Variants in PM20D1 observed in about 807,000 individuals in gnomAD.
PM20D1 encodes peptidase M20 domain containing 1.
Under a neutral mutation model 53.8 loss-of-function variants are expected in PM20D1, and 53 were observed. The ratio of observed to expected loss-of-function variants is 0.98; its 90% confidence interval spans 0.79 to 1.24. PM20D1 has a LOEUF of 1.24. Ranked by LOEUF, PM20D1 falls within the 50% of genes most tolerant of loss-of-function variation. PM20D1 has a pLI of 0.00. For synonymous variants in PM20D1, 239 were observed against 241.3 expected (o/e 0.99, Z 0.09); for missense variants, 564 against 616.8 (o/e 0.91, Z 0.91).
intron 1 of PM20D1, 31 bp downstream of exon 1, chr1:205,849,873 G>T: frequency 6.3e-7 from 1 of 1,594,214 alleles, no homozygotes; most frequent in Non-Finnish European, 8.6e-7. Flanking sequence ...CCACATATGA[G>T]CATAGGTGGG....
Position 205,841,811 on chromosome 1 carries a change from C to T in PM20D1, c.1044G>A (p.Lys348=), listed in dbSNP as rs1178823086. 1.9e-6 allele frequency: 3 copies of T among 1,564,686 alleles called. No homozygotes were observed. The highest frequency in any genetic ancestry group is 1.8e-5 in the Admixed American group (1 of 54,082). Residue 348 remains lysine, a splice_region_variant and synonymous_variant, in exon 9 of 13, where the codon AAG becomes AAA. Coordinates refer to ENST00000367136, the MANE Select transcript of PM20D1 (RefSeq NM_152491.5). ...TALTIFKAGV[K]FNVIPPVAQA... Reference sequence around the variant, plus strand: ...TATGGGGAGGAACCAGGGATGTTACCTTGACCCCTGCTTTGAATATGGTGA... The same window carrying T: ...TATGGGGAGGAACCAGGGATGTTACTTTGACCCCTGCTTTGAATATGGTGA...
At chr1:205,839,782 G>A (rs1214381156) in intron 10 of PM20D1, among the ~76,000 whole-genome samples, 2 of 151,726 alleles carry the variant, frequency 1.3e-5, no homozygotes, top group Non-Finnish European at 2.9e-5. Context: ...ATAGTGGCAC[G>A]TGCCTATAGT....
At position 205,844,904 on chromosome 1, in the gene PM20D1, T is replaced by C; in HGVS notation, c.490-7A>G. The C allele has an allele frequency of 6.2e-7, 1 of 1,611,846 alleles. No homozygotes were observed. Among genetic ancestry groups the C allele is most frequent in the Non-Finnish European group, 8.5e-7 (1 of 1,178,612 alleles). On this transcript the variant is annotated splice_polypyrimidine_tract_variant and splice_region_variant and intron_variant, in intron 3 of 12. Coordinates refer to ENST00000367136, the MANE Select transcript of PM20D1 (RefSeq NM_152491.5). ...CCAAGGCCTGCAGTAATGCCTGGGG[T>C]TCAGAAGCACAATGGAAGAGGAAAA...
At chr1:205,849,357 G>A (rs560841269) in intron 1 of PM20D1, among the ~76,000 whole-genome samples, 1 of 151,976 alleles carries the variant, frequency 6.6e-6, no homozygotes, top group African/African-American at 2.4e-5. Context: ...CCCACACCCC[G>A]GGAACACTCC....
intron 10 of PM20D1, among the ~76,000 whole-genome samples, chr1:205,837,595 A>G (rs868470613): frequency 7.2e-5 from 11 of 152,184 alleles, no homozygotes; most frequent in Admixed American, 5.9e-4. Context: ...TTCCTGACGC[A>G]TGGAACTGGG....
rs1656991003 is a variant in PM20D1, at chr1:205,846,597, T to C, written c.257-1040A>G. On this transcript the variant is annotated intron_variant, in intron 2 of 12. Coordinates refer to ENST00000367136, the MANE Select transcript of PM20D1 (RefSeq NM_152491.5). ...ACCAAATTATATTTAAATATTATAT[T>C]AAAAAGTTCAGAGACATTTTTCTTT... is the stretch of plus-strand genomic sequence containing the variant. Among the ~76,000 whole-genome samples the C allele has an allele frequency of 2.0e-5, 3 of 152,304 alleles. No individual in the cohort carries two copies. The South Asian group carries it at 6.2e-4, about 32-fold the overall frequency.
At chr1:205,841,566 A>G (rs1213480592) in intron 9 of PM20D1, among the ~76,000 whole-genome samples, 2 of 152,152 alleles carry the variant, frequency 1.3e-5, no homozygotes, top group African/African-American at 4.8e-5. Flanking sequence ...CGATTACTAG[A>G]GTGCTTCAAG....
At chr1:205,830,593 G>C (rs28578292) in intron 11 of PM20D1, among the ~76,000 whole-genome samples, 1 of 150,622 alleles carries the variant, frequency 6.6e-6, no homozygotes, top group South Asian at 2.1e-4. Context: ...GACATCCCTT[G>C]GATGGACCAT....
At chr1:205,844,751 G>T in intron 4 of PM20D1, 60 bp downstream of exon 4, 1 of 1,504,696 alleles carries the variant, frequency 6.6e-7, no homozygotes, top group Non-Finnish European at 9.2e-7. Context: ...CTAGGGTTAA[G>T]CACCCACTCC....
intron 1 of PM20D1, among the ~76,000 whole-genome samples, chr1:205,849,326 A>G (rs1657073994): frequency 1.3e-5 from 2 of 152,062 alleles, no homozygotes; most frequent in South Asian, 4.2e-4. Context: ...TTCTTCAATT[A>G]TGATTGAGAA....
chr1:205,830,187 G>T, intron 12 of PM20D1, 93 bp downstream of exon 12: 1 of 984,674 alleles, frequency 1.0e-6, no homozygotes, highest in South Asian at 1.5e-5. Context: ...CTTTCCCCCT[G>T]ATTCTGTGGA....
intron 11 of PM20D1, among the ~76,000 whole-genome samples, chr1:205,831,757 T>G (rs1656566642): frequency 6.6e-6 from 1 of 151,802 alleles, no homozygotes; most frequent in Admixed American, 6.6e-5. Context: ...AGAGACGAGG[T>G]TTCACCATAT....
rs1462402347 is a variant in PM20D1 at position 205,845,381 on chromosome 1, C to T, written c.433G>A (p.Glu145Lys). The change falls in exon 3 of 13, where the codon GAG becomes AAG. Residue 145 changes from glutamate to lysine, a missense_variant. Transcript: ENST00000367136. ...GWEVPPFSGLERDGIIYGRGT... is the reference protein window; with the variant it reads ...GWEVPPFSGLKRDGIIYGRGT... ...CGACCATAGATGATGCCATCACGCT[C>T]CAACCCAGAGAATGGGGGCACCTCC... 8 of 1,614,092 alleles carry T rather than the reference C, an allele frequency of 5.0e-6. No individual in the cohort carries two copies. The highest frequency in any genetic ancestry group is 6.8e-6 in the Non-Finnish European group (8 of 1,180,040).
At chr1:205,832,280 T>C (rs1656577399) in intron 11 of PM20D1, among the ~76,000 whole-genome samples, 1 of 152,186 alleles carries the variant, frequency 6.6e-6, no homozygotes, top group Admixed American at 6.5e-5. Flanking sequence ...AACCAGACTC[T>C]GGGAAGATCT....
chr1:205,842,021 T>G, intron 8 of PM20D1, 132 bp from the exon 9 acceptor site: 1 of 1,192,680 alleles, frequency 8.4e-7, no homozygotes, highest in Non-Finnish European at 1.2e-6. Flanking sequence ...ATGTCTTAAA[T>G]ATACACACTT....
rs1197107834 is a variant in PM20D1 at position 205,828,384 on chromosome 1, G to A, written c.*236C>T. ...GCATAAGACAGATAAGGGACAAGAG[G>A]GCAGCAAATGCCAGTGGATCAAGGG... On this transcript the variant is annotated 3_prime_UTR_variant, in exon 13 of 13. Coordinates refer to ENST00000367136, the MANE Select transcript of PM20D1 (RefSeq NM_152491.5). The A allele has an allele frequency of 2.1e-5, 10 of 476,102 alleles. No individual in the cohort carries two copies. The highest frequency in any genetic ancestry group is 3.0e-5 in the Non-Finnish European group (8 of 265,382). 29.5% of individuals were successfully genotyped at this position (476,102 alleles called of 1,614,324 possible).
Position 205,832,595 on chromosome 1 carries a change from T to A in PM20D1, c.1285+3A>T. ...CTCCAGCCACAGCTGATGAAGTCAT[T>A]ACCTGGGGCAGTAATATTGACTTCC... is the stretch of plus-strand genomic sequence containing the variant. On this transcript the variant is annotated splice_donor_region_variant and intron_variant, in intron 11 of 12. Transcript: ENST00000367136. The A allele has an allele frequency of 6.2e-7, 1 of 1,614,022 alleles. No homozygotes were observed.
At chr1:205,848,105 C>A (rs936161628) in intron 1 of PM20D1, 134 bp from the exon 2 acceptor site, 1 of 809,034 alleles carries the variant, frequency 1.2e-6, no homozygotes, top group South Asian at 1.6e-5. Flanking sequence ...GTGAGGTAGG[C>A]GCTATTGTTT....
intron 7 of PM20D1, among the ~76,000 whole-genome samples, 169 bp downstream of exon 7, chr1:205,842,507 G>A (rs984606225): frequency 3.3e-5 from 5 of 152,336 alleles, no homozygotes; most frequent in Middle Eastern, 3.4e-3. Flanking sequence ...ACTAACAGCC[G>A]TAGAGAACAA....
Sources: allele counts gnomAD v4.1 joint callset (sites outside exome capture counted in the v4.1 genomes callset), GRCh38; gene constraint gnomAD v4.1.1; transcripts MANE v1.5; gene names NCBI Gene and HGNC (gene_info 2026-07-23, HGNC 2026-07-21).